Variants in SYT6 observed in about 807,000 individuals in gnomAD.
SYT6 encodes the protein synaptotagmin 6.
A neutral mutation model predicts 38.4 loss-of-function variants in SYT6; 24 were observed. The observed-to-expected ratio is 0.62, with a 90% confidence interval of 0.45 to 0.88. SYT6 has a LOEUF of 0.88. SYT6 is among the 40% of genes least tolerant of loss of function. The probability of loss-of-function intolerance (pLI) is 0.00; values close to 1 mark genes in which losing one functional copy is unlikely to be tolerated. For missense variants in SYT6, 611 were observed against 621.0 expected (o/e 0.98, Z 0.17); for synonymous variants, 265 against 241.9 (o/e 1.10, Z -0.89).
intron 1 of SYT6, among the ~76,000 whole-genome samples, chr1:114,151,511 C>A (rs1679435844): frequency 6.6e-6 from 1 of 152,150 alleles, no homozygotes. Context: ...CCTGTGCCTC[C>A]CCCTACCAAG....
chr1:114,144,199 C>G (rs79994132), intron 1 of SYT6, among the ~76,000 whole-genome samples: 4,297 of 152,290 alleles, frequency 0.028, 204 homozygotes, highest in African/African-American at 0.098. Flanking sequence ...ACTGGTGACT[C>G]TCTTTGTAAG....
Position 114,116,623 on chromosome 1 carries a change from C to G in SYT6, c.1072-12902G>C, listed in dbSNP as rs76836138. Among the ~76,000 whole-genome samples the G allele has an allele frequency of 1.5e-3, 221 of 152,070 alleles. 1 individual carries two copies. The highest frequency in any genetic ancestry group is 5.1e-3 in the African/African-American group (211 of 41,472). On this transcript the variant is annotated intron_variant, in intron 3 of 7. Transcript: ENST00000610222. Reference sequence around the variant, plus strand: ...GATCTCAAAATTCATTCCCTTGGTGCGGGATATTTAAGGATCAGAGCAAAG... The same window carrying G: ...GATCTCAAAATTCATTCCCTTGGTGGGGGATATTTAAGGATCAGAGCAAAG...
chr1:114,114,116 G>A (rs990831607), intron 3 of SYT6, among the ~76,000 whole-genome samples: 7 of 152,146 alleles, frequency 4.6e-5, no homozygotes, highest in African/African-American at 1.7e-4. Context: ...TCCCTCTGCT[G>A]CCAACTGTGT....
At chr1:114,120,052 C>CAG (rs71693852) in intron 3 of SYT6, among the ~76,000 whole-genome samples, 10,492 of 139,802 alleles carry the variant, frequency 0.075, 1,245 homozygotes, top group African/African-American at 0.26. Context: ...GCCTGGGCGA[C>CAG]AGAGAGAGAC....
At chr1:114,144,257 C>T (rs1054326461) in intron 1 of SYT6, among the ~76,000 whole-genome samples, 5 of 152,206 alleles carry the variant, frequency 3.3e-5, no homozygotes, top group African/African-American at 1.2e-4. Flanking sequence ...CCCTGTCTGG[C>T]CCCTGAAAGC....
intron 3 of SYT6, among the ~76,000 whole-genome samples, chr1:114,129,529 T>C (rs1036784781): frequency 3.3e-5 from 5 of 150,252 alleles, no homozygotes; most frequent in Non-Finnish European, 5.9e-5. Context: ...TTTTTCTCTT[T>C]CTTTCTTTCT....
At position 114,097,845 on chromosome 1, in the gene SYT6, C is replaced by A. The variant is rs148168972; in HGVS notation, c.1397G>T (p.Arg466Leu). The change falls in exon 6 of 8, where the codon CGT (arginine) becomes CTT (leucine). Residue 466 changes from arginine to leucine, a missense_variant. Physicochemically the swap from Arg to Leu is moderately radical, Grantham distance 102 (BLOSUM62 -2). Transcript: ENST00000610222. The part of the protein sequence containing the change: ...VGHNEIIGVC[R>L]VGITAEGLGR... ...CAGGCCTTCAGCAGTGATCCCCACA[C>A]GACAGACTCCTATGATCTCATTGTG... is the stretch of plus-strand genomic sequence containing the variant. 2 of 1,614,204 alleles carry A rather than the reference C, an allele frequency of 1.2e-6. No homozygotes were observed. Among genetic ancestry groups the A allele is most frequent in the South Asian group, 2.2e-5 (2 of 91,086 alleles).
chr1:114,092,436 A>G (rs1234043198), intron 7 of SYT6, among the ~76,000 whole-genome samples: 4 of 151,764 alleles, frequency 2.6e-5, no homozygotes, highest in Non-Finnish European at 5.9e-5. Flanking sequence ...AAATCATATT[A>G]TGTTAGCAGC....
At chr1:114,133,203 G>A (rs764253740) in intron 3 of SYT6, among the ~76,000 whole-genome samples, 2 of 151,774 alleles carry the variant, frequency 1.3e-5, no homozygotes, top group South Asian at 2.1e-4. Flanking sequence ...ACACACACAC[G>A]CATACTCTAA....
At chr1:114,104,769 A>G (rs1317084895) in intron 3 of SYT6, among the ~76,000 whole-genome samples, 1 of 152,232 alleles carries the variant, frequency 6.6e-6, no homozygotes, top group Non-Finnish European at 1.5e-5. Context: ...ATAGGAGAGA[A>G]CAAAACAGAC....
rs948671610 is a variant in SYT6, at chr1:114,120,623, A to G, written c.1071+16872T>C. On this transcript the variant is annotated intron_variant, in intron 3 of 7. Coordinates refer to ENST00000610222, the MANE Select transcript of SYT6 (RefSeq NM_001253772.2). Reference sequence around the variant, plus strand: ...TTTTTATTACTTGCTGTGCAACCTCAGATAATTCACTTAGTCTCTCTTAGC... The same window carrying G: ...TTTTTATTACTTGCTGTGCAACCTCGGATAATTCACTTAGTCTCTCTTAGC... 3.9e-5 allele frequency among the ~76,000 whole-genome samples: 6 copies of G among 152,356 alleles called. No homozygotes were observed. In the South Asian group the frequency reaches 1.2e-3, roughly 32 times the overall value.
At chr1:114,100,680 A>G (rs1675916134) in intron 4 of SYT6, among the ~76,000 whole-genome samples, 1 of 152,242 alleles carries the variant, frequency 6.6e-6, no homozygotes, top group Non-Finnish European at 1.5e-5. Context: ...AGGGATTTTC[A>G]GTAAAATGGA....
intron 3 of SYT6, among the ~76,000 whole-genome samples, chr1:114,122,481 T>TTGTGTGTGTGTG (rs142500087): frequency 1.8e-4 from 26 of 148,262 alleles, no homozygotes; most frequent in South Asian, 1.3e-3. Context: ...GCATGTACAT[T>TTGTGTGTGTGTG]TGTGTGTGTG....
rs769514569 is a variant in SYT6 at position 114,092,044 on chromosome 1, C to T, written c.*90G>A. 2.0e-5 allele frequency: 31 copies of T among 1,536,144 alleles called. No individual in the cohort carries two copies. The highest frequency in any genetic ancestry group is 1.4e-4 in the South Asian group (12 of 84,062). Reference sequence around the variant, plus strand: ...TTGGAGGTGGTTTCGGAGATGGGCACGAGCTCTCACTGTCGAAGCTAGCAG... The same window carrying T: ...TTGGAGGTGGTTTCGGAGATGGGCATGAGCTCTCACTGTCGAAGCTAGCAG... On this transcript the variant is annotated 3_prime_UTR_variant, in exon 8 of 8. Transcript: ENST00000610222.
At chr1:114,145,823 A>C (rs1679129715) in intron 1 of SYT6, among the ~76,000 whole-genome samples, 1 of 152,172 alleles carries the variant, frequency 6.6e-6, no homozygotes. Context: ...GAATCTAGAG[A>C]GCATAGAGTG....
intron 3 of SYT6, among the ~76,000 whole-genome samples, chr1:114,111,130 C>G (rs1676648824): frequency 6.6e-6 from 1 of 152,208 alleles, no homozygotes; most frequent in East Asian, 1.9e-4. Flanking sequence ...GGCATTCAAG[C>G]TTCTTCACCG....
chr1:114,090,005 G>A lies in SYT6; in HGVS notation c.*2129C>T, dbSNP rs1456142496. The A allele has an allele frequency of 6.6e-6, 1 of 152,380 alleles. No homozygotes were observed. The highest frequency in any genetic ancestry group is 6.5e-5 in the Admixed American group (1 of 15,286). The allele number at this position is 152,380 out of a possible 1,614,324, so 9.4% of individuals were successfully genotyped here. A position where few individuals can be genotyped will look rare whatever the true frequency, so the allele number is the denominator to read the frequency against. ...GAATGGGTTATACTCACCTGCCTAA[G>A]GGTTTAACGATGACAGCTGGACATG... On this transcript the variant is annotated 3_prime_UTR_variant, in exon 8 of 8. Transcript: ENST00000610222.
At chr1:114,117,341 T>G (rs1375027173) in intron 3 of SYT6, among the ~76,000 whole-genome samples, 1 of 152,212 alleles carries the variant, frequency 6.6e-6, no homozygotes, top group African/African-American at 2.4e-5. Flanking sequence ...AATCTGTTTG[T>G]AAGCCTTTCA....
chr1:114,093,700 A>C (rs621934), intron 7 of SYT6, 35 bp downstream of exon 7: 1 of 1,596,042 alleles, frequency 6.3e-7, no homozygotes, highest in South Asian at 1.1e-5. Flanking sequence ...GGTAATAAGC[A>C]ACCTAACGTC....
Sources: gnomAD v4.1 joint callset for allele counts (sites outside exome capture counted in the v4.1 genomes callset) on GRCh38, gnomAD v4.1.1 for gene constraint, MANE v1.5 for transcripts, NCBI Gene and HGNC (gene_info 2026-07-23, HGNC 2026-07-21) for gene names.